The following UNC5D variants were observed in gnomAD, a reference collection of about 807,000 sequenced individuals.
UNC5D encodes the protein netrin receptor UNC5D.
Under a neutral mutation model 105.4 loss-of-function variants are expected in UNC5D, and 39 were observed. The ratio of observed to expected loss-of-function variants is 0.37; its 90% confidence interval spans 0.29 to 0.48. UNC5D has a LOEUF of 0.48. Ranked by LOEUF, UNC5D falls within the 20% of genes least tolerant of loss-of-function variation. The pLI is 0.98. For missense variants in UNC5D, 991 were observed against 1,202.4 expected (o/e 0.82, Z 2.60); for synonymous variants, 452 against 450.4 (o/e 1.00, Z -0.04).
intron 10 of UNC5D, among the ~76,000 whole-genome samples, chr8:35,728,360 C>T (rs541737864): frequency 1.3e-5 from 2 of 152,114 alleles, no homozygotes; most frequent in East Asian, 3.9e-4. Context: ...GTTTGTCGTT[C>T]ATCAAAGAAA....
intron 1 of UNC5D, among the ~76,000 whole-genome samples, chr8:35,543,451 A>G (rs2130644665): frequency 6.6e-6 from 1 of 152,328 alleles, no homozygotes; most frequent in East Asian, 1.9e-4. Context: ...ACAACACATC[A>G]AATGATAAAA....
At chr8:35,366,509 T>G (rs756680509) in intron 1 of UNC5D, among the ~76,000 whole-genome samples, 1 of 152,136 alleles carries the variant, frequency 6.6e-6, no homozygotes, top group Non-Finnish European at 1.5e-5. Context: ...ATTTGTTTTG[T>G]CAGCTCATCT....
intron 4 of UNC5D, among the ~76,000 whole-genome samples, chr8:35,610,681 T>G (rs1820614945): frequency 6.6e-6 from 1 of 152,122 alleles, no homozygotes; most frequent in African/African-American, 2.4e-5. Context: ...GAGTGCAATC[T>G]CTACCCTCAT....
intron 1 of UNC5D, among the ~76,000 whole-genome samples, chr8:35,541,003 C>T (rs758616144): frequency 9.2e-5 from 14 of 152,104 alleles, no homozygotes; most frequent in Non-Finnish European, 2.1e-4. Context: ...TCTGTGTCTG[C>T]ATCTCTGAAA....
At chr8:35,393,834 T>A (rs1357877672) in intron 1 of UNC5D, among the ~76,000 whole-genome samples, 1 of 152,226 alleles carries the variant, frequency 6.6e-6, no homozygotes, top group Non-Finnish European at 1.5e-5. Context: ...AAAGGGAAAT[T>A]GGAAGAACTC....
chr8:35,679,684 T>C (rs1429392064), intron 4 of UNC5D, among the ~76,000 whole-genome samples: 3 of 152,142 alleles, frequency 2.0e-5, no homozygotes, highest in Non-Finnish European at 2.9e-5. Context: ...GAAAATCAAC[T>C]GTAGAGGTCA....
intron 1 of UNC5D, among the ~76,000 whole-genome samples, chr8:35,325,090 G>A (rs535843039): frequency 2.0e-5 from 3 of 152,132 alleles, no homozygotes; most frequent in Non-Finnish European, 4.4e-5. Flanking sequence ...ATTGGAAATG[G>A]CCTCAGAAAT....
intron 13 of UNC5D, among the ~76,000 whole-genome samples, chr8:35,756,401 C>A (rs1269685959): frequency 6.6e-6 from 1 of 151,800 alleles, no homozygotes; most frequent in African/African-American, 2.4e-5. Flanking sequence ...TTAATATTAT[C>A]CATTCTGAGT....
At chr8:35,678,968 T>G (rs1319745140) in intron 4 of UNC5D, among the ~76,000 whole-genome samples, 1 of 152,130 alleles carries the variant, frequency 6.6e-6, no homozygotes, top group African/African-American at 2.4e-5. Flanking sequence ...GACTATCAAA[T>G]AGAACCAGGC....
chr8:35,737,708 CT>C (rs1192256189), intron 11 of UNC5D, among the ~76,000 whole-genome samples: 1 of 152,100 alleles, frequency 6.6e-6, no homozygotes, highest in Non-Finnish European at 1.5e-5. Flanking sequence ...TCTTTGCCTT[CT>C]GAAGTAAGAA....
intron 1 of UNC5D, among the ~76,000 whole-genome samples, chr8:35,488,060 A>G (rs868229128): frequency 2.6e-5 from 4 of 152,248 alleles, no homozygotes; most frequent in Admixed American, 6.5e-5. Context: ...AGGAATTGAT[A>G]AGCAAAAATC....
At chr8:35,645,891 G>T (rs1199433295) in intron 4 of UNC5D, among the ~76,000 whole-genome samples, 4 of 151,842 alleles carry the variant, frequency 2.6e-5, no homozygotes, top group Non-Finnish European at 5.9e-5. Context: ...CTTGATAGGA[G>T]TGAAGTCTGT....
intron 4 of UNC5D, among the ~76,000 whole-genome samples, chr8:35,646,159 T>A (rs1281562451): frequency 1.3e-5 from 2 of 152,180 alleles, no homozygotes; most frequent in Non-Finnish European, 2.9e-5. Context: ...CTTATTGTGT[T>A]GTCATTTTGC....
At chr8:35,460,761 T>C (rs574596630) in intron 1 of UNC5D, among the ~76,000 whole-genome samples, 3 of 152,318 alleles carry the variant, frequency 2.0e-5, no homozygotes, top group Admixed American at 1.3e-4. Flanking sequence ...TTTGTTTGTT[T>C]GTTTGTTTTG....
At chr8:35,569,142 T>G (rs1342975345) in intron 3 of UNC5D, among the ~76,000 whole-genome samples, 5 of 152,218 alleles carry the variant, frequency 3.3e-5, no homozygotes, top group African/African-American at 1.2e-4. Context: ...TTATCATATT[T>G]CAGCATCAGT....
At chr8:35,647,331 T>C (rs955628901) in intron 4 of UNC5D, among the ~76,000 whole-genome samples, 2 of 152,044 alleles carry the variant, frequency 1.3e-5, no homozygotes, top group African/African-American at 4.8e-5. Context: ...TAGGCTATGG[T>C]ACATTTATCA....
chr8:35,624,314 T>A (rs1458594595), intron 4 of UNC5D, among the ~76,000 whole-genome samples: 1 of 152,220 alleles, frequency 6.6e-6, no homozygotes, highest in African/African-American at 2.4e-5. Context: ...ATCTTCTAAT[T>A]TTTAAGAATA....
intron 9 of UNC5D, chr8:35,724,148 G>A (rs1828732962): frequency 1.4e-6 from 2 of 1,446,142 alleles, no homozygotes; most frequent in Non-Finnish European, 1.8e-6. Context: ...GGGGAGTGCT[G>A]ACTTGCCTAC....
chr8:35,783,931 TA>T, intron 16 of UNC5D, among the ~76,000 whole-genome samples: 1 of 152,202 alleles, frequency 6.6e-6, no homozygotes, highest in Non-Finnish European at 1.5e-5. Context: ...TCTAAAGTTT[TA>T]TTATTTTAAC....
Sources: gnomAD v4.1 joint callset for allele counts (sites outside exome capture counted in the v4.1 genomes callset) on GRCh38, gnomAD v4.1.1 for gene constraint, MANE v1.5 for transcripts, NCBI Gene and HGNC (gene_info 2026-07-23, HGNC 2026-07-21) for gene names.